WBP1L: variants seen among roughly 807,000 people sequenced by gnomAD.
The protein encoded by WBP1L is WW domain binding protein 1-like.
A neutral mutation model predicts 33.7 loss-of-function variants in WBP1L; 17 were observed. The ratio of observed to expected loss-of-function variants is 0.50; its 90% CI spans 0.34 to 0.76. The LOEUF is 0.76. Ranked by LOEUF, WBP1L falls within the 30% of genes least tolerant of loss-of-function variation. The pLI is 0.01. For missense variants in WBP1L, 389 were observed against 469.4 expected (o/e 0.83, Z 1.58); for synonymous variants, 173 against 190.8 (o/e 0.91, Z 0.77).
At chr10:102,755,492 A>C (rs192639537) in intron 1 of WBP1L, among the ~76,000 whole-genome samples, 2 of 151,910 alleles carry the variant, frequency 1.3e-5, no homozygotes, top group Non-Finnish European at 2.9e-5. Flanking sequence ...CCTGGGTACA[A>C]GTGATTCTCC....
At position 102,744,031 on chromosome 10, in the gene WBP1L, G is replaced by A. The variant is rs376002870; in HGVS notation, c.-23G>A. 1.5e-4 allele frequency: 222 copies of A among 1,530,386 alleles called. No individual in the cohort carries two copies. The highest frequency in any genetic ancestry group is 1.8e-4 in the Non-Finnish European group (202 of 1,130,992). The allele number at this position is 1,530,386 out of a possible 1,614,324, so 94.8% of individuals were successfully genotyped here. ...AGGAGGGAGGTGGCGGCGCCGTGGC[G>A]GAGGAGCAGGAGCAGGAGGGGGATG... On this transcript the variant is annotated 5_prime_UTR_variant, in exon 1 of 4. Transcript: ENST00000448841.
At chr10:102,753,155 C>T (rs2134026259) in intron 1 of WBP1L, among the ~76,000 whole-genome samples, 1 of 152,298 alleles carries the variant, frequency 6.6e-6, no homozygotes, top group Non-Finnish European at 1.5e-5. Context: ...TGTAACTGCA[C>T]AGCCAGTAAG....
chr10:102,786,937 C>A (rs1590182711), intron 1 of WBP1L, among the ~76,000 whole-genome samples: 2 of 152,318 alleles, frequency 1.3e-5, no homozygotes, highest in South Asian at 2.1e-4. Context: ...TCCTCTTAAG[C>A]CCAGGGAGCT....
intron 1 of WBP1L, among the ~76,000 whole-genome samples, chr10:102,774,139 C>T (rs1353502923): frequency 6.6e-6 from 1 of 151,658 alleles, no homozygotes; most frequent in Admixed American, 6.6e-5. Context: ...AGTTTGATTG[C>T]CAAAGTTAGT....
chr10:102,781,698 A>G lies in WBP1L; in HGVS notation c.91-16295A>G, dbSNP rs1447000723. Among the ~76,000 whole-genome samples, 5 of 152,316 alleles carry G rather than the reference A, an allele frequency of 3.3e-5. No individual in the cohort carries two copies. In the East Asian group the frequency reaches 9.7e-4, roughly 29 times the overall value. ...TGGAAGGAAACTAGCTGTATATAGC[A>G]GCAAACACCAAGGTGACACTTGTTT... is the stretch of plus-strand genomic sequence containing the variant. On this transcript the variant is annotated intron_variant, in intron 1 of 3. Coordinates refer to ENST00000448841, the MANE Select transcript of WBP1L (RefSeq NM_001083913.2).
At chr10:102,801,886 CCT>C (rs1260487062) in intron 2 of WBP1L, among the ~76,000 whole-genome samples, 2 of 129,918 alleles carry the variant, frequency 1.5e-5, no homozygotes, top group African/African-American at 6.0e-5. Flanking sequence ...TCTCCCTCCT[CCT>C]CTCTCCCCTC....
At chr10:102,782,497 A>G (rs1843353336) in intron 1 of WBP1L, among the ~76,000 whole-genome samples, 2 of 151,672 alleles carry the variant, frequency 1.3e-5, no homozygotes, top group South Asian at 4.2e-4. Context: ...ATGCTTTGAA[A>G]TCCCTTCTTC....
At chr10:102,768,374 T>G (rs989181584) in intron 1 of WBP1L, among the ~76,000 whole-genome samples, 1 of 12,600 alleles carries the variant, frequency 7.9e-5, no homozygotes, top group Non-Finnish European at 1.4e-4. Flanking sequence ...GTTTTTTGTT[T>G]TTTTTTTTTT....
chr10:102,784,150 T>G (rs956577574), intron 1 of WBP1L, among the ~76,000 whole-genome samples: 1 of 152,146 alleles, frequency 6.6e-6, no homozygotes, highest in Admixed American at 6.5e-5. Context: ...TTTCATCCCT[T>G]ACTCAAATAA....
At chr10:102,762,187 A>T (rs1487018342) in intron 1 of WBP1L, among the ~76,000 whole-genome samples, 1 of 152,090 alleles carries the variant, frequency 6.6e-6, no homozygotes, top group Non-Finnish European at 1.5e-5. Context: ...AGCCTGGGTG[A>T]CCCTGTCTCA....
intron 1 of WBP1L, among the ~76,000 whole-genome samples, chr10:102,771,938 C>T (rs1285245332): frequency 6.6e-6 from 1 of 151,584 alleles, no homozygotes; most frequent in African/African-American, 2.4e-5. Context: ...TGCTTGGGGC[C>T]ATAAGTAGTT....
chr10:102,766,780 C>T (rs1327661930), intron 1 of WBP1L, among the ~76,000 whole-genome samples: 1 of 151,590 alleles, frequency 6.6e-6, no homozygotes, highest in Non-Finnish European at 1.5e-5. Flanking sequence ...TGCAGTGAGC[C>T]GAGATTGCGC....
Position 102,813,324 on chromosome 10 carries a change from C to A in WBP1L, c.1085C>A (p.Pro362His), listed in dbSNP as rs773536085. Residue 362 changes from proline to histidine, a missense_variant, in exon 4 of 4, where the codon CCC becomes CAC. Coordinates refer to ENST00000448841, the MANE Select transcript of WBP1L (RefSeq NM_001083913.2). ...DSPNSQSSSS[P>H]S ...CCCAACTCCCAGAGCAGCAGCTCCC[C>A]CAGCTAGAGCAGGTCCTGCCAGCAC... The A allele has an allele frequency of 1.9e-6, 3 of 1,605,816 alleles. No homozygotes were observed. Among genetic ancestry groups the A allele is most frequent in the Non-Finnish European group, 1.7e-6 (2 of 1,175,002 alleles).
At chr10:102,804,704 T>A (rs1002233535) in intron 2 of WBP1L, among the ~76,000 whole-genome samples, 12 of 152,148 alleles carry the variant, frequency 7.9e-5, no homozygotes, top group African/African-American at 2.2e-4. Flanking sequence ...TGATGTGAAA[T>A]CACCATCTGG....
At position 102,812,714 on chromosome 10, in the gene WBP1L, G is replaced by A; in HGVS notation, c.475G>A (p.Gly159Ser). The change falls in exon 4 of 4, where the codon GGC becomes AGC. Residue 159 changes from glycine to serine, a missense_variant. By Grantham distance (56) the Gly-to-Ser change is moderately conservative. Coordinates refer to ENST00000448841, the MANE Select transcript of WBP1L (RefSeq NM_001083913.2). ...QQQQLLPPQCGPAGGSPPGID... is the reference protein window; with the variant it reads ...QQQQLLPPQCSPAGGSPPGID... Reference sequence around the variant, plus strand: ...GCAGCAGCTGCTGCCTCCACAGTGTGGCCCTGCAGGTGGCAGTCCCCCGGG... The same window carrying A: ...GCAGCAGCTGCTGCCTCCACAGTGTAGCCCTGCAGGTGGCAGTCCCCCGGG... The A allele has an allele frequency of 1.2e-6, 2 of 1,614,002 alleles. No individual in the cohort carries two copies. Among genetic ancestry groups the A allele is most frequent in the South Asian group, 1.1e-5 (1 of 91,080 alleles).
chr10:102,761,292 A>G (rs1296267896), intron 1 of WBP1L, among the ~76,000 whole-genome samples: 1 of 150,758 alleles, frequency 6.6e-6, no homozygotes, highest in African/African-American at 2.4e-5. Context: ...GGCACCTACC[A>G]CCATGCCTGG....
At chr10:102,804,621 C>T (rs1447552841) in intron 2 of WBP1L, among the ~76,000 whole-genome samples, 1 of 152,124 alleles carries the variant, frequency 6.6e-6, no homozygotes, top group Admixed American at 6.6e-5. Context: ...GTTTATTCCT[C>T]ACTCACACTG....
intron 1 of WBP1L, among the ~76,000 whole-genome samples, chr10:102,772,823 G>T (rs1426998595): frequency 6.6e-6 from 1 of 151,738 alleles, no homozygotes. Flanking sequence ...GCCCACCTCA[G>T]CCTCCCAAAG....
At chr10:102,784,910 T>C (rs1334517534) in intron 1 of WBP1L, among the ~76,000 whole-genome samples, 3 of 147,802 alleles carry the variant, frequency 2.0e-5, no homozygotes, top group Non-Finnish European at 4.4e-5. Flanking sequence ...AGAGTCTTGC[T>C]CTGTTACCTG....
Sources: gnomAD v4.1 joint callset for allele counts (sites outside exome capture counted in the v4.1 genomes callset) on GRCh38, gnomAD v4.1.1 for gene constraint, MANE v1.5 for transcripts, NCBI Gene and HGNC (gene_info 2026-07-23, HGNC 2026-07-21) for gene names.